Variants in MATCAP2 observed in about 807,000 individuals in gnomAD.
The protein encoded by MATCAP2 is microtubule associated tyrosine carboxypeptidase 2, also known as putative tyrosine carboxypeptidase MATCAP2.
the MATCAP2 span, among the ~76,000 whole-genome samples, chr7:36,372,481 T>C: frequency 6.6e-6 from 1 of 152,234 alleles, no homozygotes; most frequent in East Asian, 1.9e-4. Flanking sequence ...AAGCGTTAAG[T>C]AGAAGCCAAA....
chr7:36,389,968 TTTCTC>T, the MATCAP2 span: 4 of 1,613,930 alleles, frequency 2.5e-6, no homozygotes, highest in African/African-American at 4.0e-5. Context: ...GAGACTCACT[TTTCTC>T]TTCCTGAATT....
chr7:36,344,661 A>C, the MATCAP2 span, among the ~76,000 whole-genome samples: 16 of 152,188 alleles, frequency 1.1e-4, no homozygotes, highest in Non-Finnish European at 1.9e-4. Context: ...TCTCTGGAGT[A>C]TTTGCATTTA....
At chr7:36,350,287 A>T in the MATCAP2 span, among the ~76,000 whole-genome samples, 1 of 152,216 alleles carries the variant, frequency 6.6e-6, no homozygotes, top group East Asian at 1.9e-4. Context: ...ATGTAATATT[A>T]TATATGTACC....
the MATCAP2 span, among the ~76,000 whole-genome samples, chr7:36,387,541 G>T: frequency 6.6e-6 from 1 of 152,168 alleles, no homozygotes; most frequent in African/African-American, 2.4e-5. Context: ...TATAGTAGGA[G>T]ACAATTGTAA....
At chr7:36,387,259 T>C in the MATCAP2 span, among the ~76,000 whole-genome samples, 33 of 152,214 alleles carry the variant, frequency 2.2e-4, no homozygotes, top group South Asian at 1.2e-3. Flanking sequence ...CAAATCAAGA[T>C]AGTTTTACCC....
chr7:36,367,497 G>A, the MATCAP2 span, among the ~76,000 whole-genome samples: 1 of 152,164 alleles, frequency 6.6e-6, no homozygotes, highest in Non-Finnish European at 1.5e-5. Context: ...TCCATGGTGC[G>A]CTGTGACACT....
chr7:36,369,662 A>G, the MATCAP2 span, among the ~76,000 whole-genome samples: 5 of 152,204 alleles, frequency 3.3e-5, no homozygotes, highest in Admixed American at 6.5e-5. Flanking sequence ...ATTTATTTAT[A>G]TAGAAGACAC....
chr7:36,372,998 G>A, the MATCAP2 span, among the ~76,000 whole-genome samples: 7 of 151,832 alleles, frequency 4.6e-5, no homozygotes, highest in African/African-American at 1.7e-4. Context: ...CCAGCTACTC[G>A]GGAGGCTGAG....
At chr7:36,356,042 C>T in the MATCAP2 span, 3 of 152,134 alleles carry the variant, frequency 2.0e-5, no homozygotes, top group African/African-American at 4.8e-5. Flanking sequence ...TTATTTTTAT[C>T]TTTGAATAAG....
chr7:36,364,579 C>T, the MATCAP2 span, among the ~76,000 whole-genome samples: 4 of 151,952 alleles, frequency 2.6e-5, no homozygotes, highest in Non-Finnish European at 5.9e-5. Context: ...ATATTTGTAA[C>T]GACTTTTAGA....
chr7:36,352,742 G>A, the MATCAP2 span, among the ~76,000 whole-genome samples: 1 of 150,874 alleles, frequency 6.6e-6, no homozygotes, highest in Admixed American at 6.6e-5. Context: ...TGAGGAAGGA[G>A]AATTGGTTGA....
the MATCAP2 span, among the ~76,000 whole-genome samples, chr7:36,350,570 C>T: frequency 4.0e-5 from 6 of 148,242 alleles, no homozygotes; most frequent in African/African-American, 9.9e-5. Flanking sequence ...AGTCTCATTC[C>T]GTCACCCAGG....
chr7:36,352,230 T>C, the MATCAP2 span, among the ~76,000 whole-genome samples: 1 of 150,922 alleles, frequency 6.6e-6, no homozygotes, highest in Non-Finnish European at 1.5e-5. Flanking sequence ...ACCCTGTCTC[T>C]ACTAAAAATA....
the MATCAP2 span, among the ~76,000 whole-genome samples, chr7:36,328,217 G>C: frequency 9.2e-6 from 1 of 108,730 alleles, no homozygotes; most frequent in Non-Finnish European, 1.8e-5. Flanking sequence ...CACCATGCCC[G>C]GCTAATTTGT....
the MATCAP2 span, chr7:36,325,736 A>G: frequency 6.6e-6 from 1 of 152,346 alleles, no homozygotes; most frequent in South Asian, 2.1e-4. Context: ...CAGAACTCTC[A>G]TTTTAAAATT....
the MATCAP2 span, among the ~76,000 whole-genome samples, chr7:36,380,886 C>A: frequency 6.6e-6 from 1 of 152,194 alleles, no homozygotes; most frequent in Non-Finnish European, 1.5e-5. Context: ...TGCTTCACTG[C>A]ACCCAGCTAA....
At chr7:36,334,737 C>G in the MATCAP2 span, among the ~76,000 whole-genome samples, 1 of 151,972 alleles carries the variant, frequency 6.6e-6, no homozygotes, top group Non-Finnish European at 1.5e-5. Context: ...GAATCACAGA[C>G]TTAATATTTG....
At chr7:36,334,327 A>AG in the MATCAP2 span, among the ~76,000 whole-genome samples, 29 of 152,072 alleles carry the variant, frequency 1.9e-4, no homozygotes, top group Non-Finnish European at 3.4e-4. Flanking sequence ...ACTTGAGTTC[A>AG]GGAGTTGGAG....
the MATCAP2 span, among the ~76,000 whole-genome samples, chr7:36,330,609 C>G: frequency 6.6e-6 from 1 of 151,988 alleles, no homozygotes; most frequent in South Asian, 2.1e-4. Context: ...TAATAAATCT[C>G]TTTTTATTAT....
Sources: allele counts gnomAD v4.1 joint callset (sites outside exome capture counted in the v4.1 genomes callset), GRCh38; gene constraint gnomAD v4.1.1; transcripts MANE v1.5; gene names NCBI Gene and HGNC (gene_info 2026-07-23, HGNC 2026-07-21).